The following ARHGAP28 variants were observed in gnomAD, a reference collection of about 807,000 sequenced individuals.
ARHGAP28 encodes Rho GTPase activating protein 28, also known as rho GTPase-activating protein 28.
Under a neutral mutation model 90.7 loss-of-function variants are expected in ARHGAP28, and 56 were observed. The ratio of observed to expected loss-of-function variants is 0.62; its 90% CI spans 0.50 to 0.77. The LOEUF is 0.77. ARHGAP28 is among the 30% of genes least tolerant of loss of function. The pLI is 0.00. For missense variants in ARHGAP28, 869 were observed against 900.9 expected, an observed-to-expected ratio of 0.96 and a Z score of 0.45; for synonymous variants, 308 against 323.3, an observed-to-expected ratio of 0.95 and a Z score of 0.51.
chr18:6,867,547 C>T (rs1464617308), intron 5 of ARHGAP28, among the ~76,000 whole-genome samples: 2 of 152,096 alleles, frequency 1.3e-5, no homozygotes, highest in Non-Finnish European at 2.9e-5. Context: ...TACTCAACTT[C>T]TGATAATACT....
At chr18:6,817,050 A>T in intron 1 of ARHGAP28, among the ~76,000 whole-genome samples, 1 of 151,798 alleles carries the variant, frequency 6.6e-6, no homozygotes, top group East Asian at 1.9e-4. Context: ...TGATTGCACC[A>T]CTGCACTCCA....
At chr18:6,831,055 G>A (rs2056711318) in intron 2 of ARHGAP28, among the ~76,000 whole-genome samples, 1 of 152,130 alleles carries the variant, frequency 6.6e-6, no homozygotes, top group Non-Finnish European at 1.5e-5. Context: ...TTCCAGCAGT[G>A]TATGACAGAC....
Position 6,870,497 on chromosome 18 carries a change from C to T in ARHGAP28, c.812-93C>T, listed in dbSNP as rs1005316407. ...AAACACTGTAACGTGCTTGTGGATT[C>T]ACTTGTAAATATTTTGAATTTGTTT... On this transcript the variant is annotated intron_variant, in intron 6 of 17. Coordinates refer to ENST00000383472, the MANE Select transcript of ARHGAP28 (RefSeq NM_001366230.1). 1.0e-5 allele frequency: 13 copies of T among 1,291,642 alleles called. No individual in the cohort carries two copies. The Admixed American group carries it at 2.5e-4, about 25-fold the overall frequency. The allele number at this position is 1,291,642 out of a possible 1,614,324, so 80.0% of individuals were successfully genotyped here.
Position 6,851,165 on chromosome 18 carries a change from A to G in ARHGAP28, c.636+39A>G, listed in dbSNP as rs755260598. The G allele has an allele frequency of 1.9e-6, 3 of 1,578,332 alleles. No homozygotes were observed. The African/African-American group carries it at 4.1e-5, about 21-fold the overall frequency. Reference sequence around the variant, plus strand: ...GTGGGGGGATGGTGGTAGGCATGAAATAAGCCATTTCTTCAAGATGGTTGA... The same window carrying G: ...GTGGGGGGATGGTGGTAGGCATGAAGTAAGCCATTTCTTCAAGATGGTTGA... On this transcript the variant is annotated intron_variant, in intron 4 of 17. Coordinates refer to ENST00000383472, the MANE Select transcript of ARHGAP28 (RefSeq NM_001366230.1).
intron 1 of ARHGAP28, among the ~76,000 whole-genome samples, chr18:6,815,787 G>A (rs751292502): frequency 1.2e-4 from 19 of 152,140 alleles, no homozygotes; most frequent in South Asian, 2.1e-4. Context: ...AGTACATCAC[G>A]TGAATTTTTG....
chr18:6,752,039 C>T (rs1245351464), intron 1 of ARHGAP28, among the ~76,000 whole-genome samples: 1 of 152,070 alleles, frequency 6.6e-6, no homozygotes, highest in Non-Finnish European at 1.5e-5. Flanking sequence ...AAGGAAGCTA[C>T]ACTTGTAGAA....
chr18:6,895,443 CA>C (rs2057297651), intron 15 of ARHGAP28, among the ~76,000 whole-genome samples: 1 of 152,198 alleles, frequency 6.6e-6, no homozygotes, highest in African/African-American at 2.4e-5. Context: ...AAACAATAGA[CA>C]TTTATGATTC....
chr18:6,817,670 C>A (rs1600212763), intron 1 of ARHGAP28, among the ~76,000 whole-genome samples: 1 of 152,158 alleles, frequency 6.6e-6, no homozygotes, highest in Non-Finnish European at 1.5e-5. Flanking sequence ...GCTACAATTT[C>A]TTGGCTTTTC....
chr18:6,827,114 G>A (rs1228331328), intron 2 of ARHGAP28, among the ~76,000 whole-genome samples: 1 of 152,112 alleles, frequency 6.6e-6, no homozygotes. Flanking sequence ...GCAACCATCC[G>A]ATTTCTCAGT....
At chr18:6,826,516 G>A (rs992078642) in intron 2 of ARHGAP28, among the ~76,000 whole-genome samples, 3 of 150,872 alleles carry the variant, frequency 2.0e-5, no homozygotes, top group Admixed American at 2.0e-4. Context: ...TATCATTGAA[G>A]CTTATATAAT....
At chr18:6,813,386 T>G (rs1432511708) in intron 1 of ARHGAP28, among the ~76,000 whole-genome samples, 1 of 152,204 alleles carries the variant, frequency 6.6e-6, no homozygotes, top group African/African-American at 2.4e-5. Context: ...ACATAGCCAG[T>G]GTATTTGGTC....
chr18:6,768,027 G>A (rs1489850590), intron 1 of ARHGAP28, among the ~76,000 whole-genome samples: 3 of 151,886 alleles, frequency 2.0e-5, no homozygotes, highest in Admixed American at 6.6e-5. Context: ...TTCAGTTTGA[G>A]TATTTTCCAT....
intron 1 of ARHGAP28, among the ~76,000 whole-genome samples, chr18:6,748,403 T>C (rs188739063): frequency 6.6e-6 from 1 of 152,266 alleles, no homozygotes; most frequent in Non-Finnish European, 1.5e-5. Context: ...GCAAGTTCAG[T>C]ATAAAAATAG....
At chr18:6,758,350 T>G (rs1427113919) in intron 1 of ARHGAP28, among the ~76,000 whole-genome samples, 1 of 152,146 alleles carries the variant, frequency 6.6e-6, no homozygotes, top group Admixed American at 6.5e-5. Context: ...TCTTTTTTTT[T>G]TTTGAAACAA....
chr18:6,842,476 A>T (rs2056834940), intron 3 of ARHGAP28, among the ~76,000 whole-genome samples: 1 of 152,242 alleles, frequency 6.6e-6, no homozygotes, highest in South Asian at 2.1e-4. Flanking sequence ...TCTTGACTGC[A>T]GTAGCCTCTC....
chr18:6,742,390 G>A (rs1032565078), intron 1 of ARHGAP28, among the ~76,000 whole-genome samples: 1 of 152,030 alleles, frequency 6.6e-6, no homozygotes, highest in African/African-American at 2.4e-5. Flanking sequence ...GGCTGGCCTC[G>A]AACTGCTGAC....
chr18:6,870,758 C>A, intron 7 of ARHGAP28, 26 bp downstream of exon 7: 1 of 1,572,848 alleles, frequency 6.4e-7, no homozygotes, highest in South Asian at 1.2e-5. Flanking sequence ...CATGATTATT[C>A]CAGGAACTTC....
intron 4 of ARHGAP28, among the ~76,000 whole-genome samples, chr18:6,852,317 A>G (rs1301606681): frequency 6.6e-6 from 1 of 152,208 alleles, no homozygotes; most frequent in Non-Finnish European, 1.5e-5. Context: ...CTTCTTCCTT[A>G]TGTGCAGTCA....
intron 16 of ARHGAP28, chr18:6,898,431 C>T: frequency 6.6e-7 from 1 of 1,509,294 alleles, no homozygotes; most frequent in East Asian, 2.3e-5. Flanking sequence ...TCCACTTGCT[C>T]CAAGAATACT....
Sources: allele counts gnomAD v4.1 joint callset (sites outside exome capture counted in the v4.1 genomes callset), GRCh38; gene constraint gnomAD v4.1.1; transcripts MANE v1.5; gene names NCBI Gene and HGNC (gene_info 2026-07-23, HGNC 2026-07-21).